Variants in TRPM3 observed in about 807,000 individuals in gnomAD.
TRPM3 encodes the protein transient receptor potential cation channel subfamily M member 3.
A neutral mutation model predicts 181.2 loss-of-function variants in TRPM3; 77 were observed. The ratio of observed to expected loss-of-function variants is 0.42; its 90% CI spans 0.35 to 0.51. The LOEUF is 0.51. Ranked by LOEUF, TRPM3 falls within the 20% of genes least tolerant of loss-of-function variation. The pLI, the probability that TRPM3 is intolerant of heterozygous loss-of-function variation, is 0.01. For synonymous variants in TRPM3, 745 were observed against 796.4 expected (o/e 0.94, Z 1.09); for missense variants, 1,759 against 2,196.7 (o/e 0.80, Z 3.98).
upstream of TRPM3, chr9:71,446,844 C>A: frequency 6.5e-7 from 1 of 1,533,834 alleles, no homozygotes. Context: ...ATGAGAAGTT[C>A]GCCTCCCTCG....
At chr9:71,125,830 C>G (rs1349911980), upstream of TRPM3, among the ~76,000 whole-genome samples, 2 of 152,060 alleles carry the variant, frequency 1.3e-5, no homozygotes, top group African/African-American at 4.8e-5. Flanking sequence ...TCATGACGAA[C>G]ATGTCAAAAG....
intron 8 of TRPM3, among the ~76,000 whole-genome samples, chr9:70,741,045 T>C (rs1356458689): frequency 6.6e-6 from 1 of 152,170 alleles, no homozygotes; most frequent in African/African-American, 2.4e-5. Context: ...GGAGAAAATC[T>C]TTGCAGTTTA....
At chr9:71,317,148 G>T (rs2088680068) in intron 1 of TRPM3, among the ~76,000 whole-genome samples, 1 of 152,092 alleles carries the variant, frequency 6.6e-6, no homozygotes, top group African/African-American at 2.4e-5. Context: ...TCACATTGTG[G>T]TGCACATGAG....
At chr9:70,850,333 C>G (rs1411356983) in intron 3 of TRPM3, among the ~76,000 whole-genome samples, 1 of 151,998 alleles carries the variant, frequency 6.6e-6, no homozygotes, top group Non-Finnish European at 1.5e-5. Context: ...CAGAGGCAAA[C>G]AGAGGAATTT....
chr9:71,055,539 A>C (rs2060565766), intron 1 of TRPM3, among the ~76,000 whole-genome samples: 1 of 152,082 alleles, frequency 6.6e-6, no homozygotes, highest in Non-Finnish European at 1.5e-5. Context: ...TATTCAACAC[A>C]CATCATGTCT....
chr9:71,232,492 T>C (rs943148643), intron 1 of TRPM3, among the ~76,000 whole-genome samples: 1 of 27,548 alleles, frequency 3.6e-5, no homozygotes, highest in Non-Finnish European at 7.9e-5. Context: ...ATTCAGTGTC[T>C]TTTTTTTTTT....
In TRPM3 at chr9:71,390,786, C is replaced by A. The variant is rs376470273; in HGVS notation, c.183+55867G>T. Among the ~76,000 whole-genome samples the A allele has an allele frequency of 2.6e-5, 4 of 152,094 alleles. No individual in the cohort carries two copies. In the South Asian group the frequency reaches 8.3e-4, roughly 32 times the overall value. ...TGGTCACTGTACTAGTAAAGGTGTA[C>A]TAGCAAAGGTGCAGATATTAAACAC... On this transcript the variant is annotated intron_variant, in intron 1 of 24. Transcript: ENST00000357533.
chr9:71,024,648 C>T (rs1435447505), intron 1 of TRPM3, among the ~76,000 whole-genome samples: 1 of 152,186 alleles, frequency 6.6e-6, no homozygotes, highest in Non-Finnish European at 1.5e-5. Flanking sequence ...CTTCCTAATA[C>T]ATGAATCACC....
intron 1 of TRPM3, among the ~76,000 whole-genome samples, chr9:70,944,935 T>C (rs531956406): frequency 6.6e-6 from 1 of 151,438 alleles, no homozygotes; most frequent in Non-Finnish European, 1.5e-5. Context: ...ACCAAGTGAC[T>C]GAAGAGAATC....
intron 1 of TRPM3, among the ~76,000 whole-genome samples, chr9:70,928,511 TTAATC>T (rs2096743405): frequency 6.6e-6 from 1 of 152,096 alleles, no homozygotes; most frequent in African/African-American, 2.4e-5. Context: ...TCTTGACAAT[TTAATC>T]TAAACACACA....
intron 1 of TRPM3, among the ~76,000 whole-genome samples, chr9:71,060,932 T>C (rs1327538184): frequency 1.3e-5 from 2 of 152,096 alleles, no homozygotes; most frequent in South Asian, 2.1e-4. Flanking sequence ...CCTTCATTAA[T>C]TGCAATTGTC....
chr9:71,305,608 A>G (rs1007985286), intron 1 of TRPM3, among the ~76,000 whole-genome samples: 1 of 152,218 alleles, frequency 6.6e-6, no homozygotes, highest in Non-Finnish European at 1.5e-5. Flanking sequence ...TGTTTTGCTT[A>G]TACAAAATTA....
At position 70,535,773 on chromosome 9, in the gene TRPM3, T is replaced by G; in HGVS notation, c.*180A>C. The G allele has an allele frequency of 6.8e-7, 1 of 1,476,984 alleles. No individual in the cohort carries two copies. The allele number at this position is 1,476,984 out of a possible 1,614,324, so 91.5% of individuals were successfully genotyped here. A position where few individuals can be genotyped will look rare whatever the true frequency, so the allele number is the denominator to read the frequency against. ...CCCCTGTGTCTGGCACTGGGTCAGATCAAATGCTTTCTTGATCTGTGGCCC... is the reference window on the plus strand; with the variant it reads ...CCCCTGTGTCTGGCACTGGGTCAGAGCAAATGCTTTCTTGATCTGTGGCCC... On this transcript the variant is annotated 3_prime_UTR_variant, in exon 26 of 26. Coordinates refer to ENST00000677713, the MANE Select transcript of TRPM3 (RefSeq NM_001366145.2).
chr9:71,066,831 G>A (rs150799307), intron 1 of TRPM3, among the ~76,000 whole-genome samples: 78 of 152,196 alleles, frequency 5.1e-4, no homozygotes, highest in Admixed American at 2.0e-3. Context: ...CTTGGCCCCT[G>A]TTCCCTCTTT....
rs78713136 is a variant in TRPM3 at position 70,662,098 on chromosome 9, G to A, written c.1345+19408C>T. Among the ~76,000 whole-genome samples, 238 of 152,184 alleles carry A rather than the reference G, an allele frequency of 1.6e-3. 1 individual carries two copies. Among genetic ancestry groups the A allele is most frequent in the African/African-American group, 5.4e-3 (225 of 41,544 alleles). ...CACATAGACCAATGGAACAGAAATAGAGAACCTAGAAATAAAGCCAAATAC... is the reference window on the plus strand; with the variant it reads ...CACATAGACCAATGGAACAGAAATAAAGAACCTAGAAATAAAGCCAAATAC... On this transcript the variant is annotated intron_variant, in intron 9 of 25. Coordinates refer to ENST00000677713, the MANE Select transcript of TRPM3 (RefSeq NM_001366145.2).
intron 9 of TRPM3, among the ~76,000 whole-genome samples, chr9:70,666,829 C>T (rs1288333972): frequency 6.6e-6 from 1 of 151,932 alleles, no homozygotes; most frequent in Non-Finnish European, 1.5e-5. Context: ...GTTTTTTTAT[C>T]CACCATTCTC....
chr9:71,017,494 G>T (rs994246152), intron 1 of TRPM3, among the ~76,000 whole-genome samples: 7 of 151,700 alleles, frequency 4.6e-5, no homozygotes, highest in Admixed American at 2.6e-4. Flanking sequence ...TAAATATAAG[G>T]ATGTAAAATG....
At chr9:71,171,004 C>A (rs1360390373) in intron 1 of TRPM3, among the ~76,000 whole-genome samples, 2 of 148,126 alleles carry the variant, frequency 1.4e-5, no homozygotes, top group South Asian at 2.2e-4. Flanking sequence ...AGAGAATATG[C>A]GCCTGGAGGT....
chr9:71,445,472 C>G (rs1294068769), intron 1 of TRPM3, among the ~76,000 whole-genome samples: 2 of 152,148 alleles, frequency 1.3e-5, no homozygotes, highest in Admixed American at 6.5e-5. Context: ...GATGAAAAAA[C>G]CTGCTCACAA....
Sources: allele counts gnomAD v4.1 joint callset (sites outside exome capture counted in the v4.1 genomes callset), GRCh38; gene constraint gnomAD v4.1.1; transcripts MANE v1.5; gene names NCBI Gene and HGNC (gene_info 2026-07-23, HGNC 2026-07-21).